Variants in ZP3 observed in about 807,000 individuals in gnomAD.
ZP3 encodes zona pellucida glycoprotein 3, also known as zona pellucida sperm-binding protein 3.
Under a neutral mutation model 35.6 loss-of-function variants are expected in ZP3, and 21 were observed. The ratio of observed to expected loss-of-function variants is 0.59; its 90% CI spans 0.42 to 0.85. ZP3 has a LOEUF of 0.85. ZP3 is among the 40% of genes least tolerant of loss of function. ZP3 has a pLI of 0.00. For synonymous variants in ZP3, 207 were observed against 214.5 expected, an observed-to-expected ratio of 0.96 and a Z score of 0.31; for missense variants, 437 against 536.5, an observed-to-expected ratio of 0.81 and a Z score of 1.83.
intron 5 of ZP3, among the ~76,000 whole-genome samples, chr7:76,434,803 G>C (rs1175921492): frequency 1.3e-5 from 2 of 149,996 alleles, no homozygotes. Context: ...TGAAATTGAT[G>C]ACTGGGCCCC....
At chr7:76,429,149 C>A (rs985768278) in intron 1 of ZP3, 1 of 269,456 alleles carries the variant, frequency 3.7e-6, no homozygotes, top group South Asian at 4.3e-5. Context: ...TTGGGTGTTA[C>A]ATGGTATCTG....
At chr7:76,412,962 C>CTTT (rs201143080) in intron 1 of ZP3, among the ~76,000 whole-genome samples, 4,315 of 113,308 alleles carry the variant, frequency 0.038, 272 homozygotes, top group East Asian at 0.092. Context: ...TCTTCTTCTT[C>CTTT]TTCTTTTTTT....
chr7:76,398,929 G>A (rs1255566286), intron 1 of ZP3: 4 of 852,232 alleles, frequency 4.7e-6, no homozygotes, highest in Non-Finnish European at 7.5e-6. Flanking sequence ...AAGAGTCACA[G>A]CCAGGAACAC....
At chr7:76,440,642 A>G (rs764202424) in intron 7 of ZP3, 31 bp downstream of exon 7, 9 of 1,590,180 alleles carry the variant, frequency 5.7e-6, no homozygotes, top group Non-Finnish European at 6.9e-6. Flanking sequence ...GAGGCTGTTC[A>G]TTGTCCCTTA....
chr7:76,417,736 C>G (rs914650666), intron 1 of ZP3, among the ~76,000 whole-genome samples: 1 of 151,710 alleles, frequency 6.6e-6, no homozygotes, highest in African/African-American at 2.4e-5. Context: ...CTCAGCCTCC[C>G]TAGTAGCTGG....
intron 1 of ZP3, among the ~76,000 whole-genome samples, chr7:76,405,310 TATATATG>T (rs1804973949): frequency 1.5e-5 from 1 of 66,470 alleles, no homozygotes; most frequent in African/African-American, 7.0e-5. Flanking sequence ...TATATATATA[TATATATG>T]TATTTTTTTC....
intron 1 of ZP3, among the ~76,000 whole-genome samples, chr7:76,425,530 C>T (rs535536369): frequency 3.9e-5 from 6 of 152,122 alleles, no homozygotes; most frequent in South Asian, 4.1e-4. Context: ...GCCCAAGCCA[C>T]GCCACTCTCT....
exon 1 of ZP3, chr7:76,397,639 T>G (rs754853681): frequency 6.2e-7 from 1 of 1,613,554 alleles, no homozygotes; most frequent in African/African-American, 1.3e-5. Context: ...GCAGGATGTG[T>G]CCGGTGCCAT....
intron 1 of ZP3, among the ~76,000 whole-genome samples, chr7:76,426,276 G>C (rs28609359): frequency 0.6 from 91,509 of 151,988 alleles, 27,944 homozygotes; most frequent in East Asian, 0.84. Context: ...AGTGGGGAAA[G>C]AGGCTGCAAG....
At chr7:76,423,065 A>AAGAAAGAAAGAAAGAAAGAT, upstream of ZP3, among the ~76,000 whole-genome samples, 2 of 144,072 alleles carry the variant, frequency 1.4e-5, no homozygotes, top group Non-Finnish European at 3.0e-5. Context: ...GAAAGAAAGA[A>AAGAAAGAAAGAAAGAAAGAT]AGAAAGAAAG....
intron 1 of ZP3, among the ~76,000 whole-genome samples, chr7:76,406,881 A>G (rs939317326): frequency 6.6e-6 from 1 of 151,168 alleles, no homozygotes; most frequent in Non-Finnish European, 1.5e-5. Flanking sequence ...TTTTTTATGT[A>G]TTTGTGTGTC....
At chr7:76,416,964 ATATATATAT>A (rs1362344742) in intron 1 of ZP3, among the ~76,000 whole-genome samples, 10,801 of 144,518 alleles carry the variant, frequency 0.075, 1,122 homozygotes, top group African/African-American at 0.21. Flanking sequence ...ATATATATAT[ATATATATAT>A]AATTTGGCAT....
Position 76,424,959 on chromosome 7 carries a change from G to T in ZP3, c.-6G>T. The T allele has an allele frequency of 6.6e-7, 1 of 1,523,180 alleles. No homozygotes were observed. 94.4% of individuals were successfully genotyped at this position (1,523,180 alleles called of 1,614,324 possible). On this transcript the variant is annotated 5_prime_UTR_variant, in exon 1 of 8. In the 5' UTR this introduces an upstream ATG that the reference lacks. Coordinates refer to ENST00000394857, the MANE Select transcript of ZP3 (RefSeq NM_001110354.2). ...AGAGGCGGCTGCCTGCTGCTCTGCA[G>T]GTACCATGGAGCTGAGCTATAGGCT...
intron 5 of ZP3, among the ~76,000 whole-genome samples, chr7:76,438,043 T>C (rs1438308746): frequency 1.3e-5 from 2 of 152,234 alleles, no homozygotes; most frequent in African/African-American, 4.8e-5. Context: ...TCTCTGCTGG[T>C]GTACTTGGCC....
rs115347950 is a variant in ZP3, at chr7:76,429,279, C to G, written c.313-236C>G. ...CCTGACCAGTGGCAGAGCCTGTGTT[C>G]TCTTTTGTAGAGATGGGGTCTTGCT... On this transcript the variant is annotated intron_variant, in intron 1 of 7. Transcript: ENST00000394857. 3,139 of 497,210 alleles carry G rather than the reference C, an allele frequency of 6.3e-3. 45 individuals are homozygous for G. The highest frequency in any genetic ancestry group is 0.035 in the African/African-American group (1,805 of 51,704). The allele number at this position is 497,210 out of a possible 1,614,324, so 30.8% of individuals were successfully genotyped here.
At position 76,405,292 on chromosome 7, in the gene ZP3, TA is replaced by T. The variant is rs1318244609; in HGVS notation, c.-67+7496del. 3.4e-3 allele frequency among the ~76,000 whole-genome samples: 146 copies of T among 42,936 alleles called. 5 individuals carry two copies. Among genetic ancestry groups the T allele is most frequent in the African/African-American group, 0.017 (141 of 8,502 alleles). The allele number at this position is 42,936 out of a possible 152,430, so 28.2% of individuals were successfully genotyped here. ...CTAATTATATATATATATATATATATATATATATATATATATATATATATGT... is the reference window on the plus strand; with the variant it reads ...CTAATTATATATATATATATATATATTATATATATATATATATATATATGT... On this transcript the variant is annotated intron_variant, in intron 1 of 8. Transcript: ENST00000336517.
At chr7:76,397,528 C>T (rs760105811) in exon 1 of ZP3, 11 of 1,561,968 alleles carry the variant, frequency 7.0e-6, no homozygotes, top group Non-Finnish European at 9.5e-6. Flanking sequence ...CTGCGCAGAG[C>T]GCGCCCGCGT....
intron 1 of ZP3, among the ~76,000 whole-genome samples, chr7:76,419,859 G>T (rs1454015019): frequency 2.1e-5 from 3 of 144,188 alleles, no homozygotes. Context: ...GTGCAGTGGC[G>T]CAATCTTGGC....
In ZP3 at chr7:76,400,551, G is replaced by A. The variant is rs1278963569; in HGVS notation, c.-67+2754G>A. On this transcript the variant is annotated intron_variant, in intron 1 of 8. Coordinates refer to the ZP3 transcript ENST00000336517. ...AGGAGCCACCGTGCATGACTTCCAG[G>A]CGGCCCCGGCAGCGGCTGGGGCCCC... The A allele has an allele frequency of 7.2e-6, 11 of 1,519,398 alleles. No individual in the cohort carries two copies. In the African/African-American group the frequency reaches 1.5e-4, roughly 21 times the overall value. The allele number at this position is 1,519,398 out of a possible 1,614,324, so 94.1% of individuals were successfully genotyped here. A position where few individuals can be genotyped will look rare whatever the true frequency, so the allele number is the denominator to read the frequency against.
Sources: allele counts gnomAD v4.1 joint callset (sites outside exome capture counted in the v4.1 genomes callset), GRCh38; gene constraint gnomAD v4.1.1; transcripts MANE v1.5; gene names NCBI Gene and HGNC (gene_info 2026-07-23, HGNC 2026-07-21).